The following LRFN5 variants were observed in gnomAD, a reference collection of about 807,000 sequenced individuals.
LRFN5 encodes leucine-rich repeat and fibronectin type-III domain-containing protein 5.
Under a neutral mutation model 45.6 loss-of-function variants are expected in LRFN5, and 24 were observed. The ratio of observed to expected loss-of-function variants is 0.53; its 90% CI spans 0.38 to 0.74. The LOEUF is 0.74. Among genes scored for constraint, LRFN5 ranks in the 30% least tolerant of loss-of-function variants. The probability of loss-of-function intolerance (pLI) is 0.00; values close to 1 mark genes in which losing one functional copy is unlikely to be tolerated. For missense variants in LRFN5, 776 were observed against 861.5 expected (o/e 0.90, Z 1.24); for synonymous variants, 340 against 313.8 (o/e 1.08, Z -0.88).
At chr14:41,893,657 G>C (rs1890853382) in intron 4 of LRFN5, 1 of 985,266 alleles carries the variant, frequency 1.0e-6, no homozygotes, top group African/African-American at 1.7e-5. Flanking sequence ...CTGTTAACTT[G>C]ACAAAGCCAC....
At chr14:41,835,659 G>A (rs1026685056) in intron 2 of LRFN5, among the ~76,000 whole-genome samples, 1 of 152,120 alleles carries the variant, frequency 6.6e-6, no homozygotes, top group Non-Finnish European at 1.5e-5. Context: ...CTGGGAGGTC[G>A]AGGCTGCAGT....
rs1337021607 is a variant in LRFN5, at chr14:41,871,941, T to C, written c.-20-14665T>C. Among the ~76,000 whole-genome samples the C allele has an allele frequency of 2.0e-5, 3 of 152,190 alleles. No homozygotes were observed. The East Asian group carries it at 5.8e-4, about 29-fold the overall frequency. On this transcript the variant is annotated intron_variant, in intron 2 of 5. Coordinates refer to ENST00000298119, the MANE Select transcript of LRFN5 (RefSeq NM_152447.5). Reference sequence around the variant, plus strand: ...CAATAACCATGTTGGTAAGCTTTTTTTAATTATTATTTTACATTCTTATAG... The same window carrying C: ...CAATAACCATGTTGGTAAGCTTTTTCTAATTATTATTTTACATTCTTATAG...
At chr14:41,626,612 T>C (rs1888343713) in intron 1 of LRFN5, among the ~76,000 whole-genome samples, 1 of 152,100 alleles carries the variant, frequency 6.6e-6, no homozygotes, top group South Asian at 2.1e-4. Flanking sequence ...CATAGTGTTA[T>C]GTTTATGGAG....
intron 2 of LRFN5, among the ~76,000 whole-genome samples, chr14:41,864,619 G>C (rs960712042): frequency 6.6e-6 from 1 of 152,070 alleles, no homozygotes; most frequent in East Asian, 1.9e-4. Flanking sequence ...ACCAAATAAG[G>C]TCACATTCTG....
intron 2 of LRFN5, among the ~76,000 whole-genome samples, chr14:41,859,527 A>G (rs1399338953): frequency 6.6e-6 from 1 of 152,230 alleles, no homozygotes; most frequent in Non-Finnish European, 1.5e-5. Flanking sequence ...CATGCCAAAC[A>G]TTACAAATAT....
At chr14:41,611,068 C>T (rs1887740686) in intron 1 of LRFN5, among the ~76,000 whole-genome samples, 1 of 152,112 alleles carries the variant, frequency 6.6e-6, no homozygotes, top group Admixed American at 6.5e-5. Context: ...TGGCCTTTTC[C>T]CACTAAGGAC....
At chr14:41,632,173 C>T (rs191444919) in intron 1 of LRFN5, among the ~76,000 whole-genome samples, 9 of 151,910 alleles carry the variant, frequency 5.9e-5, no homozygotes, top group African/African-American at 2.2e-4. Flanking sequence ...AAAAAAAAAA[C>T]GTAGCATTTC....
intron 1 of LRFN5, among the ~76,000 whole-genome samples, chr14:41,741,176 A>G (rs148176599): frequency 6.6e-6 from 1 of 151,696 alleles, no homozygotes; most frequent in Non-Finnish European, 1.5e-5. Flanking sequence ...TGCAATCTCT[A>G]TCAGAATTCC....
At chr14:41,816,103 C>T (rs930642892) in intron 2 of LRFN5, among the ~76,000 whole-genome samples, 3 of 151,930 alleles carry the variant, frequency 2.0e-5, no homozygotes, top group Non-Finnish European at 4.4e-5. Context: ...TTTATACCCC[C>T]TTCTCTTTTC....
intron 1 of LRFN5, among the ~76,000 whole-genome samples, chr14:41,617,353 C>G (rs1183787192): frequency 6.6e-6 from 1 of 151,978 alleles, no homozygotes; most frequent in Non-Finnish European, 1.5e-5. Context: ...ATTTGCTTGC[C>G]CATGATTATA....
intron 1 of LRFN5, among the ~76,000 whole-genome samples, chr14:41,669,022 C>T: frequency 6.6e-6 from 1 of 152,014 alleles, no homozygotes; most frequent in Non-Finnish European, 1.5e-5. Flanking sequence ...GATGAATAAT[C>T]TTGGCAGCTA....
At chr14:41,849,085 G>T (rs1450070428) in intron 2 of LRFN5, among the ~76,000 whole-genome samples, 1 of 151,894 alleles carries the variant, frequency 6.6e-6, no homozygotes, top group Non-Finnish European at 1.5e-5. Flanking sequence ...CTCCATTTAT[G>T]CCCCTAAAGA....
At chr14:41,769,571 G>T (rs989289741) in intron 2 of LRFN5, among the ~76,000 whole-genome samples, 3 of 152,052 alleles carry the variant, frequency 2.0e-5, no homozygotes, top group Admixed American at 1.3e-4. Context: ...TATATGTAAA[G>T]ATAATTTATT....
chr14:41,757,050 C>A (rs1264750930), intron 1 of LRFN5, among the ~76,000 whole-genome samples: 1 of 152,198 alleles, frequency 6.6e-6, no homozygotes, highest in African/African-American at 2.4e-5. Context: ...TGGGTATCAG[C>A]AGCAGAGGCT....
At chr14:41,657,305 G>C (rs1204261916) in intron 1 of LRFN5, among the ~76,000 whole-genome samples, 2 of 151,830 alleles carry the variant, frequency 1.3e-5, no homozygotes, top group Non-Finnish European at 2.9e-5. Context: ...CCACAAGATG[G>C]ATACAGGATA....
At chr14:41,806,938 C>G (rs556198829) in intron 2 of LRFN5, among the ~76,000 whole-genome samples, 4 of 152,134 alleles carry the variant, frequency 2.6e-5, no homozygotes, top group Non-Finnish European at 5.9e-5. Context: ...TACCCCTAAA[C>G]TACTAAACTA....
intron 4 of LRFN5, among the ~76,000 whole-genome samples, chr14:41,898,261 A>G (rs1891002176): frequency 6.6e-6 from 1 of 152,042 alleles, no homozygotes; most frequent in Non-Finnish European, 1.5e-5. Context: ...GCATTTTGGA[A>G]AAAAATAGAA....
chr14:41,869,470 A>C (rs963594085), intron 2 of LRFN5, among the ~76,000 whole-genome samples: 1 of 151,754 alleles, frequency 6.6e-6, no homozygotes, highest in Non-Finnish European at 1.5e-5. Context: ...TATTTCATTC[A>C]GCTTAAAGAG....
chr14:41,682,780 C>A (rs1422912294), intron 1 of LRFN5, among the ~76,000 whole-genome samples: 1 of 152,108 alleles, frequency 6.6e-6, no homozygotes, highest in Non-Finnish European at 1.5e-5. Context: ...AAAACTTGAA[C>A]AGAGCAGTAA....
Sources: allele counts gnomAD v4.1 joint callset (sites outside exome capture counted in the v4.1 genomes callset), GRCh38; gene constraint gnomAD v4.1.1; transcripts MANE v1.5; gene names NCBI Gene and HGNC (gene_info 2026-07-23, HGNC 2026-07-21).